SDK1: variants seen among roughly 807,000 people sequenced by gnomAD.
SDK1 encodes the protein protein sidekick-1.
Under a neutral mutation model 245.5 loss-of-function variants are expected in SDK1, and 157 were observed. The observed-to-expected ratio is 0.64, with a 90% CI of 0.56 to 0.73. SDK1 has a LOEUF of 0.73. Among genes scored for constraint, SDK1 ranks in the 30% least tolerant of loss-of-function variants. The pLI, the probability that SDK1 is intolerant of heterozygous loss-of-function variation, is 0.00. For synonymous variants in SDK1, 1,647 were observed against 1,278.5 expected (o/e 1.29, Z -6.15); for missense variants, 3,583 against 3,002.3 (o/e 1.19, Z -4.52).
At chr7:3,809,836 G>A (rs11981828) in intron 4 of SDK1, among the ~76,000 whole-genome samples, 153 of 152,244 alleles carry the variant, frequency 1.0e-3, no homozygotes, top group African/African-American at 3.2e-3. Flanking sequence ...GCCTCGTTCC[G>A]CAGAAAGTGA....
At chr7:3,445,484 A>G (rs960164524) in intron 1 of SDK1, among the ~76,000 whole-genome samples, 1 of 152,176 alleles carries the variant, frequency 6.6e-6, no homozygotes, top group Non-Finnish European at 1.5e-5. Context: ...GAAGTTAGGA[A>G]CCATTCCTTT....
At chr7:3,454,067 T>C (rs1165356622) in intron 1 of SDK1, among the ~76,000 whole-genome samples, 3 of 152,186 alleles carry the variant, frequency 2.0e-5, no homozygotes, top group East Asian at 1.9e-4. Context: ...AGGCTAACTT[T>C]TTTGTTATAA....
At position 3,548,454 on chromosome 7, in the gene SDK1, G is replaced by A. The variant is rs770362331; in HGVS notation, c.299-70626G>A. Among the ~76,000 whole-genome samples the A allele has an allele frequency of 6.6e-5, 10 of 152,318 alleles. No homozygotes were observed. In the South Asian group the frequency reaches 1.2e-3, roughly 19 times the overall value. On this transcript the variant is annotated intron_variant, in intron 1 of 44. Coordinates refer to ENST00000404826, the MANE Select transcript of SDK1 (RefSeq NM_152744.4). ...GTTAATAGATAATGCGAGATTACGA[G>A]TCCCAAAGATGAGAGGAGAGAAACA...
At chr7:3,418,667 A>G (rs1049639157) in intron 1 of SDK1, among the ~76,000 whole-genome samples, 1 of 152,182 alleles carries the variant, frequency 6.6e-6, no homozygotes, top group Non-Finnish European at 1.5e-5. Context: ...TATTGTTAAG[A>G]CTTTCCAGGG....
chr7:3,626,470 C>A (rs1782124606), intron 2 of SDK1, among the ~76,000 whole-genome samples: 1 of 152,214 alleles, frequency 6.6e-6, no homozygotes, highest in Non-Finnish European at 1.5e-5. Context: ...TTCTCCTGCC[C>A]ATTTTAGGTA....
intron 1 of SDK1, among the ~76,000 whole-genome samples, chr7:3,532,686 G>T (rs955180558): frequency 9.2e-5 from 14 of 152,144 alleles, no homozygotes; most frequent in African/African-American, 3.4e-4. Flanking sequence ...TTATTTCTTA[G>T]TGGGATTCTT....
At chr7:4,072,671 G>C (rs1042447992) in intron 20 of SDK1, among the ~76,000 whole-genome samples, 2 of 152,222 alleles carry the variant, frequency 1.3e-5, no homozygotes, top group Admixed American at 6.5e-5. Context: ...GTGTTGGTGC[G>C]GCACCACCAT....
At chr7:3,707,923 C>G (rs555326840) in intron 4 of SDK1, among the ~76,000 whole-genome samples, 13 of 152,276 alleles carry the variant, frequency 8.5e-5, no homozygotes, top group African/African-American at 1.7e-4. Context: ...TTTCCATCCC[C>G]TTACCTTGAG....
intron 1 of SDK1, among the ~76,000 whole-genome samples, chr7:3,497,210 G>C (rs1313703197): frequency 1.3e-5 from 2 of 152,142 alleles, no homozygotes; most frequent in African/African-American, 2.4e-5. Context: ...ACTCAGCGAA[G>C]GCAATGGTTA....
chr7:3,905,269 C>A (rs6956020), intron 5 of SDK1, among the ~76,000 whole-genome samples: 35,254 of 151,904 alleles, frequency 0.23, 4,543 homozygotes, highest in African/African-American at 0.34. Context: ...ACGACTTTCA[C>A]TATTTTTCTA....
chr7:3,530,658 A>G (rs966473724), intron 1 of SDK1, among the ~76,000 whole-genome samples: 1 of 152,218 alleles, frequency 6.6e-6, no homozygotes, highest in South Asian at 2.1e-4. Context: ...GAAATATATT[A>G]TGTATTAATA....
At chr7:3,701,162 C>T (rs908324177) in intron 4 of SDK1, among the ~76,000 whole-genome samples, 2 of 152,020 alleles carry the variant, frequency 1.3e-5, no homozygotes, top group Non-Finnish European at 2.9e-5. Flanking sequence ...TAGCAGTAAG[C>T]GTGGAAATTG....
chr7:3,569,129 A>C (rs1045730024), intron 1 of SDK1, among the ~76,000 whole-genome samples: 1 of 151,726 alleles, frequency 6.6e-6, no homozygotes, highest in African/African-American at 2.4e-5. Flanking sequence ...TATCTCGCTT[A>C]GTTTTAAATG....
At chr7:3,469,724 C>G (rs887901833) in intron 1 of SDK1, among the ~76,000 whole-genome samples, 2 of 152,102 alleles carry the variant, frequency 1.3e-5, no homozygotes, top group African/African-American at 4.8e-5. Context: ...CCTTCCTAGC[C>G]ATTGACAGAA....
rs1258151902 is a variant in SDK1 at position 4,267,896 on chromosome 7, C to T, written c.*2512C>T. 1 of 985,390 alleles carries T rather than the reference C, an allele frequency of 1.0e-6. No individual in the cohort carries two copies. Among genetic ancestry groups the T allele is most frequent in the Non-Finnish European group, 1.2e-6 (1 of 830,016 alleles). 61.0% of individuals were successfully genotyped at this position (985,390 alleles called of 1,614,324 possible). ...GAGGGACTCTGTCCCATGAGAACCACCTGTGCAAAGGAACAGAGCTGGATG... is the reference window on the plus strand; with the variant it reads ...GAGGGACTCTGTCCCATGAGAACCATCTGTGCAAAGGAACAGAGCTGGATG... On this transcript the variant is annotated 3_prime_UTR_variant, in exon 45 of 45. Coordinates refer to ENST00000404826, the MANE Select transcript of SDK1 (RefSeq NM_152744.4).
chr7:3,394,383 G>A (rs1177923202), intron 1 of SDK1, among the ~76,000 whole-genome samples: 1 of 152,060 alleles, frequency 6.6e-6, no homozygotes, highest in Non-Finnish European at 1.5e-5. Context: ...TCGTAATTAT[G>A]TGCCATTGAT....
intron 1 of SDK1, among the ~76,000 whole-genome samples, chr7:3,403,874 ATATATT>A (rs1202237811): frequency 7.9e-6 from 1 of 127,372 alleles, no homozygotes; most frequent in African/African-American, 2.9e-5. Flanking sequence ...TATATAATAT[ATATATT>A]TATTTATATT....
intron 5 of SDK1, among the ~76,000 whole-genome samples, chr7:3,848,446 G>A (rs952077363): frequency 2.6e-5 from 4 of 152,136 alleles, no homozygotes; most frequent in African/African-American, 7.2e-5. Context: ...GAGGGTGATC[G>A]TGAAAGGGAA....
In SDK1 at chr7:4,266,430, C is replaced by T; in HGVS notation, c.*1046C>T. On this transcript the variant is annotated 3_prime_UTR_variant, in exon 45 of 45. Coordinates refer to ENST00000404826, the MANE Select transcript of SDK1 (RefSeq NM_152744.4). ...ACACACGCTCCCGACTCGCCTCGTGCACACCAGGCCGTCCCCTCCCTCTGT... is the reference window on the plus strand; with the variant it reads ...ACACACGCTCCCGACTCGCCTCGTGTACACCAGGCCGTCCCCTCCCTCTGT... 2 of 985,298 alleles carry T rather than the reference C, an allele frequency of 2.0e-6. No individual in the cohort carries two copies. Among genetic ancestry groups the T allele is most frequent in the South Asian group, 9.4e-5 (2 of 21,278 alleles). 61.0% of individuals were successfully genotyped at this position (985,298 alleles called of 1,614,324 possible).
Sources: allele counts gnomAD v4.1 joint callset (sites outside exome capture counted in the v4.1 genomes callset), GRCh38; gene constraint gnomAD v4.1.1; transcripts MANE v1.5; gene names NCBI Gene and HGNC (gene_info 2026-07-23, HGNC 2026-07-21).